Variants in DTHD1 observed in about 807,000 individuals in gnomAD.
DTHD1 encodes the protein death domain-containing protein 1.
In DTHD1, 59 loss-of-function variants were observed where a neutral mutation model predicts 74.8. The observed-to-expected ratio is 0.79, with a 90% confidence interval of 0.64 to 0.98. DTHD1 has a LOEUF of 0.98. Among genes scored for constraint, DTHD1 ranks in the 50% least tolerant of loss-of-function variants. The pLI is 0.00. For missense variants in DTHD1, 1,051 were observed against 1,065.4 expected (o/e 0.99, Z 0.19); for synonymous variants, 365 against 371.1 (o/e 0.98, Z 0.19).
At chr4:36,297,666 ACTTAGTTCAAGCTCCCTCC>A in intron 5 of DTHD1, among the ~76,000 whole-genome samples, 1 of 152,102 alleles carries the variant, frequency 6.6e-6, no homozygotes, top group East Asian at 1.9e-4. Context: ...CAGCTTCATG[ACTTAGTTCAAGCTCCCTCC>A]CTGTGCAGCT....
At chr4:36,300,415 T>C (rs1756691805) in intron 5 of DTHD1, among the ~76,000 whole-genome samples, 1 of 152,212 alleles carries the variant, frequency 6.6e-6, no homozygotes, top group African/African-American at 2.4e-5. Context: ...TTGATACTCC[T>C]GCATCTACAT....
chr4:36,281,854 T>C lies in DTHD1; in HGVS notation c.96T>C (p.Asp32=). Residue 32 remains aspartate (D), a synonymous_variant, in exon 1 of 10, where the codon GAT becomes GAC. Coordinates refer to ENST00000639862, the MANE Select transcript of DTHD1 (RefSeq NM_001170700.3). ...TGCTAAAGCAGGCACTCTTGGGTGA[T>C]GACCTTTGTGAGGGGGCTGGTGGGG... The part of the protein sequence containing the change: ...NQMLKQALLG[D]DLCEGAGGAT... The C allele has an allele frequency of 2.4e-6, 3 of 1,262,416 alleles. No individual in the cohort carries two copies. Among genetic ancestry groups the C allele is most frequent in the Non-Finnish European group, 3.0e-6 (3 of 1,001,826 alleles). 78.2% of individuals were successfully genotyped at this position (1,262,416 alleles called of 1,614,324 possible).
chr4:36,343,430 G>A lies in DTHD1; in HGVS notation c.2399-72G>A, dbSNP rs558178954. 2.8e-5 allele frequency: 38 copies of A among 1,379,024 alleles called. No individual in the cohort carries two copies. In the African/African-American group the frequency reaches 3.2e-4, roughly 12 times the overall value. The allele number at this position is 1,379,024 out of a possible 1,614,324, so 85.4% of individuals were successfully genotyped here. On this transcript the variant is annotated intron_variant, in intron 9 of 9. Coordinates refer to ENST00000639862, the MANE Select transcript of DTHD1 (RefSeq NM_001170700.3). ...GAGCAGGGAGACTTCCTATAAACAGGTGTGGAGGGTTAGACCCATGCATCC... is the reference window on the plus strand; with the variant it reads ...GAGCAGGGAGACTTCCTATAAACAGATGTGGAGGGTTAGACCCATGCATCC...
intron 5 of DTHD1, among the ~76,000 whole-genome samples, chr4:36,295,905 A>G (rs2109467262): frequency 1.3e-5 from 2 of 152,238 alleles, no homozygotes; most frequent in African/African-American, 4.8e-5. Flanking sequence ...AGGGCAAGCA[A>G]TCATAAAAAA....
chr4:36,285,810 G>A (rs1755669049), intron 2 of DTHD1, among the ~76,000 whole-genome samples: 1 of 152,170 alleles, frequency 6.6e-6, no homozygotes, highest in Admixed American at 6.5e-5. Flanking sequence ...AAGGTCAAAT[G>A]AGAAAATCAC....
chr4:36,281,949 A>C lies in DTHD1; in HGVS notation c.191A>C (p.His64Pro), dbSNP rs1262652905. Residue 64 changes from histidine to proline, a missense_variant, in exon 1 of 10, where the codon CAC becomes CCC. Coordinates refer to ENST00000639862, the MANE Select transcript of DTHD1 (RefSeq NM_001170700.3). ...LSSALHQLLE[H>P]TSGTLRSTCQ... ...AGTGCCCTTCACCAGCTGCTGGAGC[A>C]CACCTCAGGCACCCTGCGTTCCACC... 3 of 1,393,576 alleles carry C rather than the reference A, an allele frequency of 2.2e-6. No homozygotes were observed. Among genetic ancestry groups the C allele is most frequent in the Non-Finnish European group, 2.8e-6 (3 of 1,064,914 alleles). The allele number at this position is 1,393,576 out of a possible 1,614,324, so 86.3% of individuals were successfully genotyped here.
At chr4:36,299,639 G>A (rs1756643265) in intron 5 of DTHD1, among the ~76,000 whole-genome samples, 1 of 152,190 alleles carries the variant, frequency 6.6e-6, no homozygotes, top group South Asian at 2.1e-4. Context: ...GTCCTTCCGA[G>A]TTTCCACATA....
intron 3 of DTHD1, among the ~76,000 whole-genome samples, chr4:36,292,849 G>T (rs1211834342): frequency 1.3e-5 from 2 of 152,196 alleles, no homozygotes; most frequent in African/African-American, 4.8e-5. Context: ...GATTATAGGA[G>T]AAGATCATTT....
At chr4:36,307,916 C>G (rs1048997827) in intron 6 of DTHD1, among the ~76,000 whole-genome samples, 1 of 152,024 alleles carries the variant, frequency 6.6e-6, no homozygotes, top group African/African-American at 2.4e-5. Context: ...TGCCATGTTG[C>G]CCAGGCTGGT....
At chr4:36,342,918 C>CAAA (rs55956868) in intron 9 of DTHD1, among the ~76,000 whole-genome samples, 5,298 of 96,850 alleles carry the variant, frequency 0.055, 169 homozygotes, top group African/African-American at 0.07. Flanking sequence ...ACTAAAAATA[C>CAAA]AAAAAAAAAA....
At chr4:36,316,858 A>G (rs570097238) in intron 8 of DTHD1, among the ~76,000 whole-genome samples, 1 of 152,190 alleles carries the variant, frequency 6.6e-6, no homozygotes, top group Non-Finnish European at 1.5e-5. Context: ...GAGAAAAATG[A>G]CCTCAAAATA....
intron 9 of DTHD1, among the ~76,000 whole-genome samples, chr4:36,341,298 T>C (rs1019989449): frequency 1.3e-5 from 2 of 151,708 alleles, no homozygotes; most frequent in South Asian, 4.2e-4. Flanking sequence ...GAGGAGGAGA[T>C]TAAGGGGCAG....
intron 3 of DTHD1, among the ~76,000 whole-genome samples, chr4:36,291,432 T>C (rs1756070701): frequency 6.6e-6 from 1 of 152,230 alleles, no homozygotes; most frequent in African/African-American, 2.4e-5. Flanking sequence ...TGTTAGTTGT[T>C]AATAAATTAT....
intron 8 of DTHD1, among the ~76,000 whole-genome samples, chr4:36,325,586 A>G (rs1034236528): frequency 2.0e-5 from 3 of 152,238 alleles, no homozygotes; most frequent in Admixed American, 1.3e-4. Context: ...TAGCAAGAAA[A>G]GAACAGAGTT....
In DTHD1 at chr4:36,341,585, G is replaced by A. The variant is rs16992115; in HGVS notation, c.2399-1917G>A. On this transcript the variant is annotated intron_variant, in intron 9 of 9. Coordinates refer to ENST00000639862, the MANE Select transcript of DTHD1 (RefSeq NM_001170700.3). ...AAATATTTTTAATGGATTTTCAAGC[G>A]ACTAAGGACTCAAATGGTATAAAAT... Among the ~76,000 whole-genome samples the A allele has an allele frequency of 0.015, 2,334 of 152,144 alleles. 214 individuals are homozygous for A. The East Asian group carries it at 0.25, about 17-fold the overall frequency.
At chr4:36,343,435 G>C in intron 9 of DTHD1, 67 bp from the exon 10 acceptor site, 2 of 1,418,024 alleles carry the variant, frequency 1.4e-6, no homozygotes, top group Non-Finnish European at 9.5e-7. Flanking sequence ...AACAGGTGTG[G>C]AGGGTTAGAC....
At chr4:36,316,625 G>A in intron 8 of DTHD1, 139 bp downstream of exon 8, 4 of 850,456 alleles carry the variant, frequency 4.7e-6, no homozygotes, top group Non-Finnish European at 7.0e-6. Flanking sequence ...GAGTAGGTAG[G>A]TCCAATTTTA....
Position 36,345,802 on chromosome 4 carries a change from C to T in DTHD1, c.*1978C>T, listed in dbSNP as rs1295309414. The T allele has an allele frequency of 6.6e-6, 1 of 152,076 alleles. No homozygotes were observed. The highest frequency in any genetic ancestry group is 1.5e-5 in the Non-Finnish European group (1 of 67,996). The allele number at this position is 152,076 out of a possible 1,614,324, so 9.4% of individuals were successfully genotyped here. A position where few individuals can be genotyped will look rare whatever the true frequency, so the allele number is the denominator to read the frequency against. On this transcript the variant is annotated 3_prime_UTR_variant, in exon 10 of 10. Coordinates refer to ENST00000639862, the MANE Select transcript of DTHD1 (RefSeq NM_001170700.3). ...ATTATTAACATTTTTGGCATAATTT[C>T]TTCTAGTTTTTCTTTTTTTCTGGAA...
intron 2 of DTHD1, among the ~76,000 whole-genome samples, chr4:36,290,087 T>A (rs1490631044): frequency 6.6e-6 from 1 of 152,170 alleles, no homozygotes; most frequent in African/African-American, 2.4e-5. Context: ...ATAGCTAATA[T>A]ATATAACAAC....
Sources: gnomAD v4.1 joint callset for allele counts (sites outside exome capture counted in the v4.1 genomes callset) on GRCh38, gnomAD v4.1.1 for gene constraint, MANE v1.5 for transcripts, NCBI Gene and HGNC (gene_info 2026-07-23, HGNC 2026-07-21) for gene names.